The following SMAP1 variants were observed in gnomAD, a reference collection of about 807,000 sequenced individuals.
SMAP1 encodes the protein small ArfGAP 1.
A neutral mutation model predicts 58.5 loss-of-function variants in SMAP1; 24 were observed. That is an observed-to-expected ratio of 0.41 (90% CI 0.30 to 0.58). The LOEUF (loss-of-function observed/expected upper bound fraction) is 0.58, where lower values mean the gene tolerates loss of function less well. Ranked by LOEUF, SMAP1 falls within the 20% of genes least tolerant of loss-of-function variation. SMAP1 has a pLI of 0.29. For synonymous variants in SMAP1, 216 were observed against 196.6 expected, an observed-to-expected ratio of 1.10 and a Z score of -0.82; for missense variants, 563 against 566.3, an observed-to-expected ratio of 0.99 and a Z score of 0.06.
chr6:70,740,481 A>G (rs1371865812), intron 2 of SMAP1, among the ~76,000 whole-genome samples: 2 of 18,920 alleles, frequency 1.1e-4, no homozygotes, highest in African/African-American at 1.4e-3. Flanking sequence ...AAAAAAAACA[A>G]AAAAAAAACC....
At chr6:70,672,165 G>C (rs1463607964) in intron 1 of SMAP1, among the ~76,000 whole-genome samples, 8 of 152,196 alleles carry the variant, frequency 5.3e-5, no homozygotes, top group African/African-American at 1.9e-4. Context: ...AGTGTGGGTT[G>C]TGTTTTTGCA....
intron 6 of SMAP1, among the ~76,000 whole-genome samples, chr6:70,822,923 G>T (rs1337378125): frequency 6.6e-6 from 1 of 151,742 alleles, no homozygotes; most frequent in Non-Finnish European, 1.5e-5. Context: ...GCTGTGTCCA[G>T]TCTCCTAATG....
At chr6:70,786,618 A>G (rs1296272189) in intron 4 of SMAP1, among the ~76,000 whole-genome samples, 1 of 152,108 alleles carries the variant, frequency 6.6e-6, no homozygotes, top group African/African-American at 2.4e-5. Context: ...TCAGGATACA[A>G]AATCAGTGTA....
chr6:70,678,780 C>T (rs959282439), intron 1 of SMAP1, among the ~76,000 whole-genome samples: 1 of 152,162 alleles, frequency 6.6e-6, no homozygotes, highest in Non-Finnish European at 1.5e-5. Context: ...ATCTTTGAAA[C>T]TAGCAGTGTG....
At chr6:70,830,681 T>C (rs901046139) in intron 6 of SMAP1, among the ~76,000 whole-genome samples, 1 of 152,238 alleles carries the variant, frequency 6.6e-6, no homozygotes, top group Admixed American at 6.5e-5. Flanking sequence ...CTTGAAGACT[T>C]TTCCATTTTA....
At chr6:70,702,773 G>A (rs1389970024) in intron 1 of SMAP1, among the ~76,000 whole-genome samples, 5 of 151,884 alleles carry the variant, frequency 3.3e-5, no homozygotes, top group Non-Finnish European at 5.9e-5. Flanking sequence ...TGGGACTACA[G>A]GTGCGCACCA....
intron 1 of SMAP1, among the ~76,000 whole-genome samples, chr6:70,722,633 C>T (rs1224266437): frequency 6.6e-6 from 1 of 152,140 alleles, no homozygotes; most frequent in Non-Finnish European, 1.5e-5. Flanking sequence ...GAGATTTATC[C>T]ACATATTTAT....
intron 5 of SMAP1, among the ~76,000 whole-genome samples, chr6:70,797,503 T>C (rs1768653240): frequency 6.6e-6 from 1 of 152,164 alleles, no homozygotes; most frequent in African/African-American, 2.4e-5. Flanking sequence ...CTTTACTTTT[T>C]TGCTTTTTAA....
chr6:70,768,946 T>C (rs1226178840), intron 3 of SMAP1, among the ~76,000 whole-genome samples: 1 of 152,120 alleles, frequency 6.6e-6, no homozygotes, highest in African/African-American at 2.4e-5. Context: ...TTCTGGTATG[T>C]TGTGTCTTTG....
intron 2 of SMAP1, among the ~76,000 whole-genome samples, chr6:70,752,629 A>G (rs1013684504): frequency 1.4e-4 from 21 of 152,024 alleles, no homozygotes; most frequent in African/African-American, 4.6e-4. Flanking sequence ...AGTTTGCCCC[A>G]TATTCTTTAT....
chr6:70,822,172 A>T (rs1378423665), intron 6 of SMAP1, among the ~76,000 whole-genome samples: 1 of 152,208 alleles, frequency 6.6e-6, no homozygotes. Context: ...GTTAAAGCTT[A>T]TACTTAAGAA....
chr6:70,788,859 A>T (rs543319563), intron 4 of SMAP1, among the ~76,000 whole-genome samples: 2 of 152,310 alleles, frequency 1.3e-5, no homozygotes, highest in South Asian at 4.1e-4. Context: ...TGTGGTGGTC[A>T]GTTTTACTTC....
At position 70,798,582 on chromosome 6, in the gene SMAP1, AAACTAAT is replaced by A. The variant is rs1768707679; in HGVS notation, c.496-72_496-66del. ...TTCTACCTTTTTCAGATGATTACTC[AAACTAAT>A]AAGGATGAGTCAAAAATTGCCATTT... On this transcript the variant is annotated intron_variant, in intron 5 of 10. Coordinates refer to ENST00000370455, the MANE Select transcript of SMAP1 (RefSeq NM_001044305.3). The A allele has an allele frequency of 2.5e-5, 29 of 1,141,234 alleles. No homozygotes were observed. The South Asian group carries it at 4.6e-4, about 18-fold the overall frequency. 70.7% of individuals were successfully genotyped at this position (1,141,234 alleles called of 1,614,324 possible).
intron 6 of SMAP1, among the ~76,000 whole-genome samples, chr6:70,807,322 T>G (rs367987779): frequency 6.6e-6 from 1 of 152,204 alleles, no homozygotes; most frequent in East Asian, 1.9e-4. Flanking sequence ...AGGAGAAAGG[T>G]AAAACCTAAA....
At chr6:70,846,556 G>C (rs77830757) in intron 7 of SMAP1, among the ~76,000 whole-genome samples, 2,653 of 152,312 alleles carry the variant, frequency 0.017, 33 homozygotes, top group Non-Finnish European at 0.024. Context: ...CCCTGGATTA[G>C]CGGAACATTT....
intron 7 of SMAP1, among the ~76,000 whole-genome samples, chr6:70,846,333 A>T (rs75832008): frequency 0.57 from 86,830 of 151,192 alleles, 25,364 homozygotes; most frequent in East Asian, 0.76. Flanking sequence ...ATGTGCCTTA[A>T]TCCACGCATT....
intron 6 of SMAP1, among the ~76,000 whole-genome samples, chr6:70,811,658 A>C (rs533992533): frequency 7.2e-5 from 11 of 152,164 alleles, no homozygotes; most frequent in Non-Finnish European, 1.6e-4. Context: ...AACTTATTGC[A>C]CATCCTCCCA....
At chr6:70,772,454 G>T (rs1431087930) in intron 3 of SMAP1, among the ~76,000 whole-genome samples, 1 of 152,082 alleles carries the variant, frequency 6.6e-6, no homozygotes, top group East Asian at 1.9e-4. Context: ...CTGTAATTAT[G>T]TGTGTTTTAT....
intron 1 of SMAP1, 31 bp from the exon 2 acceptor site, chr6:70,732,347 C>CTT: frequency 6.3e-7 from 1 of 1,583,272 alleles, no homozygotes; most frequent in Non-Finnish European, 8.6e-7. Context: ...TTAACATTTG[C>CTT]TTTTTTTTGT....
Sources: gnomAD v4.1 joint callset for allele counts (sites outside exome capture counted in the v4.1 genomes callset) on GRCh38, gnomAD v4.1.1 for gene constraint, MANE v1.5 for transcripts, NCBI Gene and HGNC (gene_info 2026-07-23, HGNC 2026-07-21) for gene names.